PTPRG: variants seen among roughly 807,000 people sequenced by gnomAD.
PTPRG encodes the protein receptor-type tyrosine-protein phosphatase gamma.
A neutral mutation model predicts 165.3 loss-of-function variants in PTPRG; 102 were observed. That is an observed-to-expected ratio of 0.62 (90% CI 0.53 to 0.73). PTPRG has a LOEUF of 0.73. Among genes scored for constraint, PTPRG ranks in the 30% least tolerant of loss-of-function variants. The pLI, the probability that PTPRG is intolerant of heterozygous loss-of-function variation, is 0.00. For missense variants in PTPRG, 1,866 were observed against 1,861.4 expected (o/e 1.00, Z -0.05); for synonymous variants, 675 against 669.5 (o/e 1.01, Z -0.13).
intron 2 of PTPRG, among the ~76,000 whole-genome samples, chr3:61,964,780 G>C (rs191387178): frequency 1.1e-4 from 17 of 152,012 alleles, no homozygotes; most frequent in South Asian, 6.2e-4. Context: ...CTTTTTTATG[G>C]CCTTTTTGAT....
intron 5 of PTPRG, among the ~76,000 whole-genome samples, chr3:62,128,040 T>C (rs937484015): frequency 6.6e-6 from 1 of 152,202 alleles, no homozygotes; most frequent in African/African-American, 2.4e-5. Context: ...GGTTTCATGG[T>C]TTTTCTGTAT....
At chr3:61,794,390 T>TA (rs1559615544) in intron 2 of PTPRG, among the ~76,000 whole-genome samples, 2 of 152,214 alleles carry the variant, frequency 1.3e-5, no homozygotes, top group African/African-American at 4.8e-5. Context: ...TTTTCTGGCA[T>TA]TTGGCTCTCC....
chr3:61,629,722 A>G (rs1405265595), intron 1 of PTPRG, among the ~76,000 whole-genome samples: 1 of 152,168 alleles, frequency 6.6e-6, no homozygotes, highest in Admixed American at 6.5e-5. Context: ...CTCAGGTAAG[A>G]AGGAGAAAAA....
At chr3:61,680,322 G>A (rs960667014) in intron 1 of PTPRG, among the ~76,000 whole-genome samples, 4 of 152,006 alleles carry the variant, frequency 2.6e-5, no homozygotes, top group Non-Finnish European at 5.9e-5. Context: ...AGGTGGAGGT[G>A]TGAAAGGGAG....
chr3:62,215,555 C>G (rs1051547094), intron 12 of PTPRG, among the ~76,000 whole-genome samples: 2 of 143,866 alleles, frequency 1.4e-5, no homozygotes, highest in African/African-American at 5.2e-5. Flanking sequence ...AACCCCCCCC[C>G]CCCGCCAATT....
At chr3:61,696,961 C>G (rs1575595441) in intron 1 of PTPRG, among the ~76,000 whole-genome samples, 1 of 152,174 alleles carries the variant, frequency 6.6e-6, no homozygotes, top group Non-Finnish European at 1.5e-5. Flanking sequence ...ATGACAGAGT[C>G]TCTCTCCTGG....
At chr3:61,903,575 T>C (rs532674700) in intron 2 of PTPRG, among the ~76,000 whole-genome samples, 1 of 152,250 alleles carries the variant, frequency 6.6e-6, no homozygotes, top group East Asian at 1.9e-4. Context: ...GGTTTCCCCA[T>C]GTTGGCCAGG....
intron 2 of PTPRG, among the ~76,000 whole-genome samples, chr3:61,825,685 C>G (rs933279418): frequency 6.6e-6 from 1 of 151,838 alleles, no homozygotes; most frequent in South Asian, 2.1e-4. Context: ...CGCTGTGTCA[C>G]CCAGGCTGGG....
At chr3:61,769,866 G>T (rs1484320356) in intron 2 of PTPRG, 7 of 152,124 alleles carry the variant, frequency 4.6e-5, no homozygotes, top group African/African-American at 7.2e-5. Context: ...ACAATCAGAA[G>T]TGTTTTCAGA....
chr3:62,184,863 C>CGGTGTGTGAAAT (rs1705810733), intron 8 of PTPRG, among the ~76,000 whole-genome samples: 3 of 152,126 alleles, frequency 2.0e-5, no homozygotes. Flanking sequence ...AATATTTGGC[C>CGGTGTGTGAAAT]AGTTGCGTCG....
chr3:61,927,528 G>A (rs1034279402), intron 2 of PTPRG, among the ~76,000 whole-genome samples: 1 of 152,222 alleles, frequency 6.6e-6, no homozygotes, highest in Non-Finnish European at 1.5e-5. Context: ...TTGGCCATGA[G>A]TGTGGGCCAG....
rs1451124547 is a variant in PTPRG at position 61,653,983 on chromosome 3, A to T, written c.85+91611A>T. Among the ~76,000 whole-genome samples, 5 of 152,072 alleles carry T rather than the reference A, an allele frequency of 3.3e-5. No homozygotes were observed. In the South Asian group the frequency reaches 6.2e-4, roughly 19 times the overall value. ...AGGTGTCTTTTTTGTCCTGTTTTTCATGGATGGCTCCAGGGGAAGCCCAGT... is the reference window on the plus strand; with the variant it reads ...AGGTGTCTTTTTTGTCCTGTTTTTCTTGGATGGCTCCAGGGGAAGCCCAGT... On this transcript the variant is annotated intron_variant, in intron 1 of 29. Transcript: ENST00000474889.
At chr3:61,695,799 A>G (rs760629971) in intron 1 of PTPRG, among the ~76,000 whole-genome samples, 1 of 152,192 alleles carries the variant, frequency 6.6e-6, no homozygotes, top group Non-Finnish European at 1.5e-5. Flanking sequence ...TGCCAAGTGA[A>G]CAATAGTTCG....
intron 1 of PTPRG, among the ~76,000 whole-genome samples, chr3:61,622,824 T>C (rs1270479064): frequency 6.6e-6 from 1 of 152,210 alleles, no homozygotes; most frequent in Non-Finnish European, 1.5e-5. Context: ...AACTGCCTCT[T>C]AATGAATCAC....
chr3:61,593,456 A>C (rs1700624264), intron 1 of PTPRG, among the ~76,000 whole-genome samples: 1 of 151,916 alleles, frequency 6.6e-6, no homozygotes, highest in Non-Finnish European at 1.5e-5. Flanking sequence ...TCACAGTTAA[A>C]ATAACTGGTT....
rs2365955 is a variant in PTPRG, at chr3:61,562,372, G to A, written c.85G>A (p.Ala29Thr). The change falls in exon 1 of 30, where the codon GCG becomes ACG. Residue 29 changes from alanine to threonine, a missense_variant and splice_region_variant. This residue lies in a region of PTPRG where 408 missense variants were observed against 376.2 expected (regional missense o/e 1.08). Coordinates refer to ENST00000474889, the MANE Select transcript of PTPRG (RefSeq NM_002841.4). Reference protein sequence around the residue: ...SVLHYVVCFPALTEGYVGALH... With the variant: ...SVLHYVVCFPTLTEGYVGALH... ...GCTCCATTATGTCGTGTGCTTCCCC[G>A]GTGAGTGCCGGCCGCCGAGGGGATG... 10 of 1,613,148 alleles carry A rather than the reference G, an allele frequency of 6.2e-6. No individual in the cohort carries two copies. The highest frequency in any genetic ancestry group is 1.7e-5 in the Admixed American group (1 of 59,988).
chr3:61,843,223 A>G (rs1287999502), intron 2 of PTPRG, among the ~76,000 whole-genome samples: 1 of 152,344 alleles, frequency 6.6e-6, no homozygotes, highest in Admixed American at 6.5e-5. Flanking sequence ...TGAAGCAAGA[A>G]CCATCAGAAA....
In PTPRG at chr3:62,233,587, T is replaced by C. The variant is rs933856957; in HGVS notation, c.2375+2276T>C. On this transcript the variant is annotated intron_variant, in intron 14 of 29. Transcript: ENST00000474889. The surrounding 1 kb of genome is among the most constrained non-coding windows in gnomAD (Gnocchi z 4.7). ...TCTCCACCTAAAATGTGGCCAGGAATCAAAAGAAGAGCCCCCAGTGATAGC... is the reference window on the plus strand; with the variant it reads ...TCTCCACCTAAAATGTGGCCAGGAACCAAAAGAAGAGCCCCCAGTGATAGC... Among the ~76,000 whole-genome samples the C allele has an allele frequency of 2.0e-5, 3 of 152,266 alleles. No homozygotes were observed. The highest frequency in any genetic ancestry group is 2.0e-4 in the Admixed American group (3 of 15,298).
chr3:62,009,685 G>A lies in PTPRG; in HGVS notation c.519+6188G>A, dbSNP rs543795772. 9.2e-5 allele frequency among the ~76,000 whole-genome samples: 14 copies of A among 152,166 alleles called. No homozygotes were observed. In the South Asian group the frequency reaches 2.7e-3, roughly 29 times the overall value. On this transcript the variant is annotated intron_variant, in intron 4 of 29. Coordinates refer to ENST00000474889, the MANE Select transcript of PTPRG (RefSeq NM_002841.4). ...TGTGTTCCTTGTCTCTGGTAAGCAC[G>A]TCCAGTTGTGTCACACACATAAAGG...
Sources: allele counts gnomAD v4.1 joint callset (sites outside exome capture counted in the v4.1 genomes callset), GRCh38; gene constraint gnomAD v4.1.1; regional missense constraint gnomAD v4.1.1; non-coding constraint Gnocchi (gnomAD v3.1); transcripts MANE v1.5; gene names NCBI Gene and HGNC (gene_info 2026-07-23, HGNC 2026-07-21).